The following NANS variants were observed in gnomAD, a reference collection of about 807,000 sequenced individuals.
NANS encodes N-acetylneuraminate synthase.
Under a neutral mutation model 33.3 loss-of-function variants are expected in NANS, and 29 were observed. That is an observed-to-expected ratio of 0.87 (90% CI 0.65 to 1.19). NANS has a LOEUF of 1.19. Ranked by LOEUF, NANS falls within the 50% of genes most tolerant of loss-of-function variation. The pLI, the probability that NANS is intolerant of heterozygous loss-of-function variation, is 0.00. For missense variants in NANS, 394 were observed against 461.1 expected (o/e 0.85, Z 1.33); for synonymous variants, 163 against 177.2 (o/e 0.92, Z 0.64).
At chr9:98,065,302 C>T (rs1829104551) in intron 2 of NANS, among the ~76,000 whole-genome samples, 2 of 139,522 alleles carry the variant, frequency 1.4e-5, no homozygotes, top group African/African-American at 5.5e-5. Flanking sequence ...TTAGTCACTC[C>T]TGGTGCTTTT....
chr9:98,064,415 G>A (rs1038838119), intron 2 of NANS, among the ~76,000 whole-genome samples: 4 of 151,862 alleles, frequency 2.6e-5, no homozygotes, highest in East Asian at 1.9e-4. Flanking sequence ...CACCACACAC[G>A]GCTAGTTTTT....
At chr9:98,075,014 G>C (rs1429670518) in intron 2 of NANS, 4 of 152,150 alleles carry the variant, frequency 2.6e-5, no homozygotes, top group African/African-American at 9.7e-5. Flanking sequence ...AGGTGGAAAG[G>C]TATGGAAGGT....
chr9:98,070,410 G>C (rs1295577780), intron 2 of NANS, among the ~76,000 whole-genome samples: 1 of 151,938 alleles, frequency 6.6e-6, no homozygotes, highest in Admixed American at 6.6e-5. Flanking sequence ...GAGCCACCGT[G>C]CCCAGCTTTC....
chr9:98,061,249 G>T, intron 2 of NANS: 1 of 458,292 alleles, frequency 2.2e-6, no homozygotes, highest in Non-Finnish European at 4.0e-6. Context: ...GACTGAGGGG[G>T]ATGGATCACC....
At chr9:98,080,595 GC>G (rs1164148641) in intron 4 of NANS, among the ~76,000 whole-genome samples, 1 of 152,188 alleles carries the variant, frequency 6.6e-6, no homozygotes, top group African/African-American at 2.4e-5. Context: ...CATTTTTAGA[GC>G]ATTTACAATG....
intron 2 of NANS, among the ~76,000 whole-genome samples, chr9:98,062,450 T>A (rs920647046): frequency 1.3e-5 from 2 of 151,968 alleles, no homozygotes; most frequent in Non-Finnish European, 2.9e-5. Flanking sequence ...TGTGTTCTTT[T>A]GAATGTAAAA....
intron 2 of NANS, among the ~76,000 whole-genome samples, chr9:98,071,121 AT>A (rs766881736): frequency 3.9e-5 from 6 of 152,146 alleles, no homozygotes; most frequent in Non-Finnish European, 7.4e-5. Context: ...CTCCTTAGTA[AT>A]TTTTAAGAAT....
intron 2 of NANS, 193 bp from the exon 3 acceptor site, chr9:98,076,725 T>G: frequency 3.6e-6 from 2 of 556,920 alleles, no homozygotes; most frequent in Non-Finnish European, 3.1e-6. Context: ...GGCTAATGGA[T>G]GGGTGGATGC....
intron 3 of NANS, chr9:98,077,951 T>G (rs921638624): frequency 1.9e-6 from 1 of 536,952 alleles, no homozygotes; most frequent in Non-Finnish European, 3.3e-6. Context: ...TTCCTCTGCC[T>G]CTTTAATTCA....
At chr9:98,070,266 T>G (rs138376947) in intron 2 of NANS, among the ~76,000 whole-genome samples, 1 of 151,976 alleles carries the variant, frequency 6.6e-6, no homozygotes. Flanking sequence ...TACAGGTGTA[T>G]GCCACCATGC....
intron 2 of NANS, among the ~76,000 whole-genome samples, chr9:98,071,225 G>A (rs886209371): frequency 1.3e-5 from 2 of 152,200 alleles, no homozygotes; most frequent in African/African-American, 4.8e-5. Flanking sequence ...TGGCACGACT[G>A]TATGGTACAC....
At chr9:98,065,833 G>T (rs146953323) in intron 2 of NANS, among the ~76,000 whole-genome samples, 6 of 152,062 alleles carry the variant, frequency 3.9e-5, no homozygotes, top group African/African-American at 1.2e-4. Context: ...AGATCTGATG[G>T]GTTTATCAGG....
chr9:98,059,170 C>T (rs1828904829), intron 1 of NANS, among the ~76,000 whole-genome samples: 1 of 151,670 alleles, frequency 6.6e-6, no homozygotes, highest in African/African-American at 2.4e-5. Flanking sequence ...ATTACAGGTG[C>T]CCACCACCAC....
intron 2 of NANS, among the ~76,000 whole-genome samples, chr9:98,073,346 A>G (rs1235439987): frequency 7.9e-6 from 1 of 126,180 alleles, no homozygotes; most frequent in African/African-American, 3.1e-5. Context: ...GTGCAATGGC[A>G]TGCTCTTGGC....
intron 2 of NANS, among the ~76,000 whole-genome samples, chr9:98,068,840 A>AG (rs1285908071): frequency 1.3e-5 from 2 of 152,098 alleles, no homozygotes; most frequent in Non-Finnish European, 2.9e-5. Context: ...AAAAAAAAAA[A>AG]AAAATTGATA....
intron 1 of NANS, 104 bp downstream of exon 1, chr9:98,057,044 C>T (rs1020822701): frequency 2.9e-6 from 4 of 1,366,308 alleles, no homozygotes; most frequent in Non-Finnish European, 3.8e-6. Context: ...GTACCCTGGT[C>T]CGGCCTCTTC....
intron 2 of NANS, 39 bp from the exon 3 acceptor site, chr9:98,076,879 G>GCCTGTCATA: frequency 6.6e-7 from 1 of 1,521,876 alleles, no homozygotes; most frequent in Non-Finnish European, 9.1e-7. Flanking sequence ...AGTGTTTTTG[G>GCCTGTCATA]ACAATGGTGA....
At chr9:98,070,807 A>ATT (rs11464981) in intron 2 of NANS, among the ~76,000 whole-genome samples, 3,311 of 144,768 alleles carry the variant, frequency 0.023, 52 homozygotes, top group Middle Eastern at 0.051. Context: ...CTCTTTAGTA[A>ATT]TTTTTTTTTT....
At chr9:98,071,228 T>C (rs915114981) in intron 2 of NANS, among the ~76,000 whole-genome samples, 10 of 152,234 alleles carry the variant, frequency 6.6e-5, no homozygotes, top group Admixed American at 2.0e-4. Context: ...CACGACTGTA[T>C]GGTACACACC....
Sources: allele counts gnomAD v4.1 joint callset (sites outside exome capture counted in the v4.1 genomes callset), GRCh38; gene constraint gnomAD v4.1.1; transcripts MANE v1.5; gene names NCBI Gene and HGNC (gene_info 2026-07-23, HGNC 2026-07-21).